The following ATM variants were observed in gnomAD, a reference collection of about 807,000 sequenced individuals.
ATM encodes ATM serine/threonine kinase, also known as serine-protein kinase ATM.
A neutral mutation model predicts 387.0 loss-of-function variants in ATM; 308 were observed. That is an observed-to-expected ratio of 0.80 (90% CI 0.73 to 0.87). The LOEUF is 0.87. ATM is among the 40% of genes least tolerant of loss of function. The pLI, the probability that ATM is intolerant of heterozygous loss-of-function variation, is 0.00. For synonymous variants in ATM, 1,156 were observed against 1,187.3 expected, an observed-to-expected ratio of 0.97 and a Z score of 0.54; for missense variants, 3,312 against 3,560.9, an observed-to-expected ratio of 0.93 and a Z score of 1.78.
rs752009031 is a variant in ATM at position 108,256,347 on chromosome 11, G to C, written c.2250+7G>C. 1 of 1,607,086 alleles carries C rather than the reference G, an allele frequency of 6.2e-7. No homozygotes were observed. Among genetic ancestry groups the C allele is most frequent in the East Asian group, 2.2e-5 (1 of 44,590 alleles). On this transcript the variant is annotated splice_region_variant and intron_variant, in intron 14 of 62. Transcript: ENST00000675843. ...ATTATTCCAGAAAGCCAAGGTAGGA[G>C]AATTTATACTAATAAAGTTTCGGAT...
chr11:108,247,031 AAGTCATAT>A lies in ATM; in HGVS notation c.972_979del (p.Ser324ArgfsTer3), dbSNP rs2135266573. ...TATATGATCTGCTAGTGAATGAGAT[AAGTCATAT>A]AGGAAGTAGAGGAAAGTATTCTTCA... On this transcript the variant is annotated frameshift_variant, in exon 8 of 63. Transcript: ENST00000675843. LOFTEE classifies it high-confidence loss of function. 1 of 1,613,564 alleles carries A rather than the reference AAGTCATAT, an allele frequency of 6.2e-7. No homozygotes were observed. Among genetic ancestry groups the A allele is most frequent in the African/African-American group, 1.3e-5 (1 of 75,040 alleles).
intron 61 of ATM, among the ~76,000 whole-genome samples, chr11:108,361,648 T>G (rs1396182761): frequency 2.0e-5 from 3 of 151,648 alleles, no homozygotes; most frequent in African/African-American, 7.3e-5. Flanking sequence ...ACGCCGCATG[T>G]CTACAACTAT....
intron 38 of ATM, 73 bp downstream of exon 38, chr11:108,308,057 C>A: frequency 7.2e-7 from 1 of 1,390,188 alleles, no homozygotes; most frequent in African/African-American, 1.4e-5. Context: ...TGAATTTTAA[C>A]ATGATTATTT....
At chr11:108,258,875 T>C (rs1233999335) in intron 15 of ATM, 111 bp from the exon 16 acceptor site, 5 of 820,236 alleles carry the variant, frequency 6.1e-6, no homozygotes, top group Non-Finnish European at 8.2e-6. Flanking sequence ...ATATTGGCCC[T>C]AATAGTAAAC....
chr11:108,331,247 C>A, intron 50 of ATM, 197 bp from the exon 51 acceptor site: 1 of 1,284,378 alleles, frequency 7.8e-7, no homozygotes, highest in Non-Finnish European at 9.9e-7. Flanking sequence ...TTTGATTTAC[C>A]AATGCATTAA....
At chr11:108,271,000 T>C (rs571075103) in intron 18 of ATM, 64 bp from the exon 19 acceptor site, 126 of 1,410,264 alleles carry the variant, frequency 8.9e-5, no homozygotes, top group Non-Finnish European at 1.2e-4. Context: ...GGCCTATGTT[T>C]ATATACTTTT....
rs540054724 is a variant in ATM, at chr11:108,310,265, C to T, written c.5868C>T (p.Leu1956=). 21 of 1,613,354 alleles carry T rather than the reference C, an allele frequency of 1.3e-5. No individual in the cohort carries two copies. The South Asian group carries it at 1.9e-4, about 14-fold the overall frequency. The stretch of plus-strand genomic sequence containing the variant: ...GTGCTGCTCACTTTACAGCTTTACT[C>T]TATGCAGAAATCTATGCAGATAAGA... ...QSCAAHFTAL[L]YAEIYADKKS... is the part of the protein sequence containing the mutation. The change falls in exon 39 of 63, where the codon CTC becomes CTT. Residue 1956 remains leucine, a synonymous_variant. Coordinates refer to ENST00000675843, the MANE Select transcript of ATM (RefSeq NM_000051.4).
chr11:108,348,040 G>A (rs768339982), intron 59 of ATM, among the ~76,000 whole-genome samples: 2 of 152,106 alleles, frequency 1.3e-5, no homozygotes, highest in African/African-American at 4.8e-5. Flanking sequence ...TATTAGATGA[G>A]GAAATAGTGG....
intron 4 of ATM, among the ~76,000 whole-genome samples, chr11:108,232,116 A>C (rs1308986256): frequency 6.6e-6 from 1 of 152,266 alleles, no homozygotes. Flanking sequence ...CAAACCTTTT[A>C]ATTGCAACAT....
intron 12 of ATM, 76 bp downstream of exon 12, chr11:108,252,988 G>T: frequency 7.9e-7 from 1 of 1,259,630 alleles, no homozygotes; most frequent in Non-Finnish European, 1.1e-6. Context: ...TAGCTGGGTA[G>T]TAGCTGCATC....
At chr11:108,233,312 C>G (rs1048819126) in intron 4 of ATM, among the ~76,000 whole-genome samples, 1 of 152,136 alleles carries the variant, frequency 6.6e-6, no homozygotes, top group Non-Finnish European at 1.5e-5. Context: ...TCATGCCTCT[C>G]TAATCCTAGT....
intron 15 of ATM, 44 bp downstream of exon 15, chr11:108,257,650 T>C: frequency 6.3e-7 from 1 of 1,584,296 alleles, no homozygotes. Flanking sequence ...GATAGGATCT[T>C]TCTCTGTCAC....
At chr11:108,305,300 C>T (rs1486486151) in intron 37 of ATM, among the ~76,000 whole-genome samples, 1 of 152,238 alleles carries the variant, frequency 6.6e-6, no homozygotes, top group Non-Finnish European at 1.5e-5. Context: ...CAGCCTTTGG[C>T]CGGGCACAGT....
chr11:108,363,695 T>A (rs2091044165), intron 61 of ATM, among the ~76,000 whole-genome samples: 1 of 152,238 alleles, frequency 6.6e-6, no homozygotes, highest in Non-Finnish European at 1.5e-5. Flanking sequence ...TCTAGCTTAA[T>A]CAGTCTGTAT....
chr11:108,330,228 T>C lies in ATM; in HGVS notation c.7322T>C (p.Val2441Ala), dbSNP rs765548443. The change falls in exon 50 of 63, where the codon GTT (valine) becomes GCT (alanine). Residue 2441 changes from valine (V) to alanine (A), a missense_variant. By Grantham distance (64) the Val-to-Ala change is moderately conservative. This residue lies in a region of ATM where 1,405 missense variants were observed against 1,604.4 expected (regional missense o/e 0.88). Coordinates refer to ENST00000675843, the MANE Select transcript of ATM (RefSeq NM_000051.4). ...KIQTNRYTVKVQRELELDELA... is the reference protein window; with the variant it reads ...KIQTNRYTVKAQRELELDELA... ...TTCTATGCAAGATACACAGTAAAGG[T>C]TCAGCGAGAGCTGGAGTTGGATGAA... The C allele has an allele frequency of 2.5e-6, 4 of 1,614,014 alleles. No individual in the cohort carries two copies. Among genetic ancestry groups the C allele is most frequent in the South Asian group, 1.1e-5 (1 of 91,088 alleles).
intron 18 of ATM, among the ~76,000 whole-genome samples, chr11:108,270,222 A>G (rs1016476839): frequency 6.6e-6 from 1 of 152,162 alleles, no homozygotes; most frequent in Non-Finnish European, 1.5e-5. Flanking sequence ...GCCTTACAAG[A>G]TTGCCTTATG....
chr11:108,277,663 G>C (rs1048765841), intron 22 of ATM, among the ~76,000 whole-genome samples: 2 of 152,112 alleles, frequency 1.3e-5, no homozygotes, highest in East Asian at 1.9e-4. Flanking sequence ...TGCTTCCCGG[G>C]TGAGGCTACA....
intron 61 of ATM, among the ~76,000 whole-genome samples, chr11:108,359,654 G>A (rs1017968489): frequency 4.6e-5 from 7 of 152,020 alleles, no homozygotes; most frequent in East Asian, 1.9e-4. Context: ...ACTCAAAACC[G>A]CTCAACTACA....
chr11:108,279,674 C>T (rs1181855056), intron 23 of ATM, 66 bp downstream of exon 23: 1 of 1,292,502 alleles, frequency 7.7e-7, no homozygotes, highest in African/African-American at 1.5e-5. Flanking sequence ...TAAATTACTT[C>T]ACCAAGTTTG....
Sources: allele counts gnomAD v4.1 joint callset (sites outside exome capture counted in the v4.1 genomes callset), GRCh38; gene constraint gnomAD v4.1.1; regional missense constraint gnomAD v4.1.1; transcripts MANE v1.5; gene names NCBI Gene and HGNC (gene_info 2026-07-23, HGNC 2026-07-21).